Variants in NFATC2 observed in about 807,000 individuals in gnomAD.
NFATC2 encodes nuclear factor of activated T cells 2, also known as nuclear factor of activated T-cells, cytoplasmic 2.
NFATC2 carries 22 observed loss-of-function variants against 87.3 expected under a neutral mutation model. The ratio of observed to expected loss-of-function variants is 0.25; its 90% confidence interval spans 0.18 to 0.36. The LOEUF (loss-of-function observed/expected upper bound fraction) is 0.36, where lower values mean the gene tolerates loss of function less well. NFATC2 is among the 10% of genes least tolerant of loss of function. NFATC2 has a pLI of 1.00. For missense variants in NFATC2, 1,149 were observed against 1,259.1 expected (o/e 0.91, Z 1.32); for synonymous variants, 565 against 542.2 (o/e 1.04, Z -0.58).
In NFATC2 at chr20:51,432,416, C is replaced by T. The variant is rs1466638895; in HGVS notation, c.2373G>A (p.Gln791=). ...GGTGGAGCAGGGCTGAGCTCTGGCC[C>T]TGGGAGCCGGCGTGCACCAGCACAG... ...HRSVLVHAGS[Q]GQSSALLHPS... Residue 791 remains glutamine (Q), a synonymous_variant, in exon 9 of 11, where the codon CAG becomes CAA. Transcript: ENST00000371564. The surrounding 1 kb of genome is among the most constrained non-coding windows in gnomAD (Gnocchi z 4.6). 6.3e-7 allele frequency: 1 copy of T among 1,594,374 alleles called. No homozygotes were observed. Among genetic ancestry groups the T allele is most frequent in the African/African-American group, 1.3e-5 (1 of 74,746 alleles).
chr20:51,410,228 A>AG (rs1979013675), intron 9 of NFATC2, among the ~76,000 whole-genome samples: 1 of 151,080 alleles, frequency 6.6e-6, no homozygotes, highest in Admixed American at 6.6e-5. Context: ...AAAAAAAAAA[A>AG]GCGAAATATT....
At chr20:51,452,318 TCTC>T (rs1056072340) in intron 6 of NFATC2, among the ~76,000 whole-genome samples, 2 of 152,088 alleles carry the variant, frequency 1.3e-5, no homozygotes, top group Non-Finnish European at 2.9e-5. Context: ...CTCCCCTGGT[TCTC>T]CTCCTCCTGC....
rs1989150065 is a variant in NFATC2, at chr20:51,480,397, T to G, written c.1333-4737A>C. ...GGAGGGAGAGAAACAAACAGCAACCTAAACAAACAAAAACGGTAGTTCCTT... is the reference window on the plus strand; with the variant it reads ...GGAGGGAGAGAAACAAACAGCAACCGAAACAAACAAAAACGGTAGTTCCTT... On this transcript the variant is annotated intron_variant, in intron 3 of 10. Coordinates refer to ENST00000371564, the MANE Select transcript of NFATC2 (RefSeq NM_012340.5). This position sits in a 1 kb window ranked among gnomAD's most constrained non-coding sequence, Gnocchi z 4.2. 6.6e-6 allele frequency among the ~76,000 whole-genome samples: 1 copy of G among 152,052 alleles called. No individual in the cohort carries two copies. Among genetic ancestry groups the G allele is most frequent in the Non-Finnish European group, 1.5e-5 (1 of 67,996 alleles).
intron 6 of NFATC2, among the ~76,000 whole-genome samples, chr20:51,439,047 T>C (rs570606938): frequency 1.3e-5 from 2 of 152,224 alleles, no homozygotes; most frequent in Admixed American, 1.3e-4. Context: ...CCTTGTAGGG[T>C]CACTCACCAC....
At chr20:51,534,314 T>C (rs1006024219) in intron 1 of NFATC2, among the ~76,000 whole-genome samples, 3 of 152,206 alleles carry the variant, frequency 2.0e-5, no homozygotes, top group African/African-American at 7.2e-5. Context: ...CGTGTGTCTA[T>C]ACAAGATCTG....
chr20:51,420,778 A>G (rs1980774741), intron 9 of NFATC2, among the ~76,000 whole-genome samples: 1 of 152,234 alleles, frequency 6.6e-6, no homozygotes, highest in African/African-American at 2.4e-5. Context: ...TAGGTATTTC[A>G]TGATATTAAG....
intron 5 of NFATC2, among the ~76,000 whole-genome samples, chr20:51,457,177 A>G (rs1489108917): frequency 6.6e-6 from 1 of 152,252 alleles, no homozygotes; most frequent in African/African-American, 2.4e-5. Flanking sequence ...GCCACAAATG[A>G]GATTTATTAG....
chr20:51,470,525 T>C (rs1373549493), intron 5 of NFATC2, among the ~76,000 whole-genome samples: 1 of 152,210 alleles, frequency 6.6e-6, no homozygotes, highest in African/African-American at 2.4e-5. Context: ...GAACTTACCC[T>C]TGATCCCTAA....
intron 1 of NFATC2, among the ~76,000 whole-genome samples, chr20:51,525,606 C>T (rs999051169): frequency 1.4e-5 from 2 of 145,756 alleles, no homozygotes; most frequent in Non-Finnish European, 3.0e-5. Context: ...GCTCATGGGG[C>T]GGCCTGGACT....
Position 51,542,556 on chromosome 20 carries a change from T to C in NFATC2, c.-57A>G. On this transcript the variant is annotated 5_prime_UTR_variant, in exon 1 of 11. Coordinates refer to ENST00000371564, the MANE Select transcript of NFATC2 (RefSeq NM_012340.5). Reference sequence around the variant, plus strand: ...GGGCGAGGGCGGGCGCGGCTGGCTCTGGGACCCCTCGCAGTGGGGCTGGCG... The same window carrying C: ...GGGCGAGGGCGGGCGCGGCTGGCTCCGGGACCCCTCGCAGTGGGGCTGGCG... 1 of 1,309,750 alleles carries C rather than the reference T, an allele frequency of 7.6e-7. No homozygotes were observed. Among genetic ancestry groups the C allele is most frequent in the South Asian group, 2.4e-5 (1 of 41,168 alleles). The allele number at this position is 1,309,750 out of a possible 1,614,324, so 81.1% of individuals were successfully genotyped here. A position where few individuals can be genotyped will look rare whatever the true frequency, so the allele number is the denominator to read the frequency against.
intron 9 of NFATC2, among the ~76,000 whole-genome samples, chr20:51,426,754 T>C (rs1412916119): frequency 1.3e-5 from 2 of 152,194 alleles, no homozygotes; most frequent in Non-Finnish European, 2.9e-5. Flanking sequence ...GAAGGCAGGA[T>C]GGTGGTCACT....
chr20:51,440,832 G>A (rs1421793885), intron 6 of NFATC2, among the ~76,000 whole-genome samples: 1 of 152,252 alleles, frequency 6.6e-6, no homozygotes, highest in Non-Finnish European at 1.5e-5. Flanking sequence ...TCTAAGGGAA[G>A]TGTGCGGTTT....
intron 9 of NFATC2, among the ~76,000 whole-genome samples, chr20:51,410,554 GAGAA>G (rs1979064663): frequency 1.4e-5 from 2 of 145,320 alleles, no homozygotes; most frequent in Non-Finnish European, 3.1e-5. Context: ...AAGAGAGGGA[GAGAA>G]AGAGGGAGAG....
chr20:51,425,820 T>C (rs1021034545), intron 9 of NFATC2, among the ~76,000 whole-genome samples: 5 of 152,206 alleles, frequency 3.3e-5, no homozygotes, highest in Non-Finnish European at 7.4e-5. Context: ...AGCTTCTGCG[T>C]AGAGCCTTTT....
chr20:51,406,136 A>C (rs1211384383), intron 9 of NFATC2, among the ~76,000 whole-genome samples: 1 of 152,162 alleles, frequency 6.6e-6, no homozygotes, highest in Non-Finnish European at 1.5e-5. Context: ...GACTGCCCCC[A>C]TTACACAGCT....
At chr20:51,560,355 G>A (rs1303489068) in intron 1 of NFATC2, among the ~76,000 whole-genome samples, 1 of 152,166 alleles carries the variant, frequency 6.6e-6, no homozygotes, top group Non-Finnish European at 1.5e-5. Context: ...GTCTGGGTTT[G>A]GGAGAGAACA....
In NFATC2 at chr20:51,428,179, G is replaced by A. The variant is rs1462783321; in HGVS notation, c.2722+3888C>T. Among the ~76,000 whole-genome samples, 3 of 152,120 alleles carry A rather than the reference G, an allele frequency of 2.0e-5. No individual in the cohort carries two copies. The South Asian group carries it at 6.2e-4, about 32-fold the overall frequency. Reference sequence around the variant, plus strand: ...AGGGGAGAAAGGTAGGGAAGAATGAGGTCCCAGAAGCAGCTACTGCTAGGA... The same window carrying A: ...AGGGGAGAAAGGTAGGGAAGAATGAAGTCCCAGAAGCAGCTACTGCTAGGA... On this transcript the variant is annotated intron_variant, in intron 9 of 10. Transcript: ENST00000371564.
chr20:51,526,664 C>G (rs1429087107), intron 1 of NFATC2, among the ~76,000 whole-genome samples: 1 of 152,170 alleles, frequency 6.6e-6, no homozygotes, highest in Non-Finnish European at 1.5e-5. Flanking sequence ...CCCCAGTGAG[C>G]CTCAGCCTCC....
At chr20:51,561,518 A>G (rs1452944398) in intron 1 of NFATC2, among the ~76,000 whole-genome samples, 1 of 145,502 alleles carries the variant, frequency 6.9e-6, no homozygotes, top group African/African-American at 2.6e-5. Context: ...CAAGCAAGCA[A>G]GCAAGCAAGC....
Sources: allele counts gnomAD v4.1 joint callset (sites outside exome capture counted in the v4.1 genomes callset), GRCh38; gene constraint gnomAD v4.1.1; non-coding constraint Gnocchi (gnomAD v3.1); transcripts MANE v1.5; gene names NCBI Gene and HGNC (gene_info 2026-07-23, HGNC 2026-07-21).